The following OSMR variants were observed in gnomAD, a reference collection of about 807,000 sequenced individuals.
The protein encoded by OSMR is oncostatin M receptor.
OSMR carries 81 observed loss-of-function variants against 99.9 expected under a neutral mutation model. The observed-to-expected ratio is 0.81, with a 90% confidence interval of 0.68 to 0.97. The LOEUF (loss-of-function observed/expected upper bound fraction) is 0.97, where lower values mean the gene tolerates loss of function less well. Ranked by LOEUF, OSMR falls within the 50% of genes least tolerant of loss-of-function variation. OSMR has a pLI of 0.00. For missense variants in OSMR, 1,099 were observed against 1,153.4 expected, an observed-to-expected ratio of 0.95 and a Z score of 0.68; for synonymous variants, 406 against 410.4, an observed-to-expected ratio of 0.99 and a Z score of 0.13.
chr5:38,943,807 C>T (rs554457694), intron 1 of OSMR, among the ~76,000 whole-genome samples: 2 of 151,908 alleles, frequency 1.3e-5, no homozygotes, highest in South Asian at 2.1e-4. Flanking sequence ...AGCAAGACTC[C>T]GTCTCAAAAA....
At chr5:38,907,198 T>C (rs116052367) in intron 9 of OSMR, among the ~76,000 whole-genome samples, 1 of 152,298 alleles carries the variant, frequency 6.6e-6, no homozygotes, top group African/African-American at 2.4e-5. Context: ...GGAAGCTGCA[T>C]ACCCTGCACA....
chr5:38,911,475 C>G lies in OSMR; in HGVS notation c.1286-6071C>G, dbSNP rs186102460. ...GACCAGATGCATTCACAGCCAAATT[C>G]TGTCAGAGTTATAAAGAGCTGGTAC... is the stretch of plus-strand genomic sequence containing the variant. On this transcript the variant is annotated intron_variant, in intron 9 of 17. Transcript: ENST00000274276. Among the ~76,000 whole-genome samples, 11 of 152,290 alleles carry G rather than the reference C, an allele frequency of 7.2e-5. No homozygotes were observed. The East Asian group carries it at 2.1e-3, about 29-fold the overall frequency.
intron 13 of OSMR, among the ~76,000 whole-genome samples, chr5:38,923,989 TC>T (rs1332112624): frequency 6.6e-6 from 1 of 152,130 alleles, no homozygotes; most frequent in Non-Finnish European, 1.5e-5. Context: ...GTTCATCAAA[TC>T]CCCCCACTTG....
downstream of OSMR, among the ~76,000 whole-genome samples, chr5:38,935,962 A>AAAC (rs1318483958): frequency 6.6e-6 from 1 of 152,212 alleles, no homozygotes; most frequent in Non-Finnish European, 1.5e-5. Context: ...TCTTGGCTGT[A>AAAC]AACATTTCGT....
intron 2 of OSMR, among the ~76,000 whole-genome samples, chr5:38,874,092 G>T (rs1409724172): frequency 3.3e-5 from 5 of 152,128 alleles, no homozygotes; most frequent in African/African-American, 1.2e-4. Context: ...TTGCTGGTTT[G>T]TAAGAGTTCT....
At chr5:38,945,181 A>G, downstream of OSMR, 1 of 803,310 alleles carries the variant, frequency 1.2e-6, no homozygotes, top group Non-Finnish European at 1.9e-6. Context: ...AATTGTATGC[A>G]ATATACCAAA....
intron 1 of OSMR, chr5:38,942,056 T>C (rs760309924): frequency 2.5e-5 from 9 of 356,336 alleles, no homozygotes; most frequent in Non-Finnish European, 4.0e-5. Context: ...CATACAATGG[T>C]AACTGAAACT....
intron 3 of OSMR, among the ~76,000 whole-genome samples, chr5:38,878,599 G>A (rs960619804): frequency 7.9e-5 from 12 of 152,224 alleles, no homozygotes; most frequent in Non-Finnish European, 2.9e-5. Flanking sequence ...GAGGCCAGGT[G>A]TGGGAGTCAA....
At chr5:38,858,558 G>A (rs879413036) in intron 1 of OSMR, among the ~76,000 whole-genome samples, 17 of 152,072 alleles carry the variant, frequency 1.1e-4, no homozygotes, top group Admixed American at 2.6e-4. Flanking sequence ...TGTGAATAGC[G>A]CTGCAACAAA....
chr5:38,923,161 C>T lies in OSMR; in HGVS notation c.1777C>T (p.Pro593Ser). 6.2e-7 allele frequency: 1 copy of T among 1,612,746 alleles called. No homozygotes were observed. Among genetic ancestry groups the T allele is most frequent in the Non-Finnish European group, 8.5e-7 (1 of 1,178,858 alleles). ...STVISTDAFR[P>S]GVRYDFRIYG... Reference sequence around the variant, plus strand: ...CTTTTTTTCCCTAGATGCTTTTAGGCCAGGAGTTCGATATGACTTCAGAAT... The same window carrying T: ...CTTTTTTTCCCTAGATGCTTTTAGGTCAGGAGTTCGATATGACTTCAGAAT... The change falls in exon 13 of 18, where the codon CCA (proline) becomes TCA (serine). Residue 593 changes from proline to serine, a missense_variant. By Grantham distance (74) the Pro-to-Ser change is moderately conservative. Transcript: ENST00000274276.
intron 7 of OSMR, among the ~76,000 whole-genome samples, chr5:38,895,986 C>T (rs547369823): frequency 6.6e-6 from 1 of 151,948 alleles, no homozygotes; most frequent in East Asian, 1.9e-4. Context: ...ATTTGGGGTA[C>T]TCTAGTCTGT....
chr5:38,852,061 T>C (rs1245089162), intron 1 of OSMR, among the ~76,000 whole-genome samples: 2 of 152,362 alleles, frequency 1.3e-5, no homozygotes, highest in Non-Finnish European at 2.9e-5. Flanking sequence ...ATCAGCAGTG[T>C]GAAAACAAAC....
Position 38,903,979 on chromosome 5 carries a change from A to T in OSMR, c.1089A>T (p.Thr363=), listed in dbSNP as rs763736853. ...WKVHSIRNNF[T]YLCQIELHGE... ...TGCACTCCATAAGGAATAATTTCAC[A>T]TATTTGTGTCAGATTGAACTCCATG... Residue 363 remains threonine, a synonymous_variant, in exon 8 of 18, where the codon ACA becomes ACT. Transcript: ENST00000274276. The T allele has an allele frequency of 9.3e-6, 15 of 1,613,964 alleles. No homozygotes were observed. The highest frequency in any genetic ancestry group is 1.3e-5 in the Non-Finnish European group (15 of 1,179,992).
intron 7 of OSMR, 30 bp downstream of exon 7, chr5:38,886,220 G>A: frequency 6.2e-7 from 1 of 1,613,926 alleles, no homozygotes; most frequent in East Asian, 2.2e-5. Context: ...AGCCCACCGT[G>A]GCCACTAACG....
Position 38,942,876 on chromosome 5 carries a change from C to T in OSMR, c.75-1325C>T, listed in dbSNP as rs2112784749. On this transcript the variant is annotated intron_variant and NMD_transcript_variant, in intron 1 of 2. Coordinates refer to the OSMR transcript ENST00000508882. ...TTGAAATAATTCTTGTATGAACCTCCGACACGGAAGTCTGAATGTGCAGTG... is the reference window on the plus strand; with the variant it reads ...TTGAAATAATTCTTGTATGAACCTCTGACACGGAAGTCTGAATGTGCAGTG... 6.2e-7 allele frequency: 1 copy of T among 1,611,552 alleles called. No individual in the cohort carries two copies. The highest frequency in any genetic ancestry group is 8.5e-7 in the Non-Finnish European group (1 of 1,177,796).
intron 2 of OSMR, chr5:38,944,585 G>A (rs1183389814): frequency 2.5e-6 from 4 of 1,570,214 alleles, no homozygotes; most frequent in African/African-American, 1.4e-5. Context: ...AAGATTTCAG[G>A]GAGAAGTTAA....
chr5:38,931,845 TA>T, intron 15 of OSMR, 37 bp from the exon 16 acceptor site: 1 of 1,588,996 alleles, frequency 6.3e-7, no homozygotes, highest in South Asian at 1.1e-5. Flanking sequence ...AAGGGAAAAG[TA>T]CTTATTAAAA....
At position 38,876,322 on chromosome 5, in the gene OSMR, G is replaced by C; in HGVS notation, c.195G>C (p.Met65Ile). The C allele has an allele frequency of 6.2e-7, 1 of 1,613,110 alleles. No individual in the cohort carries two copies. The highest frequency in any genetic ancestry group is 8.5e-7 in the Non-Finnish European group (1 of 1,179,324). Residue 65 changes from methionine (M) to isoleucine (I), a missense_variant, in exon 3 of 18, where the codon ATG becomes ATC. Physicochemically the swap from Met to Ile is conservative, Grantham distance 10. Transcript: ENST00000274276. Reference sequence around the variant, plus strand: ...TTCCTTATCATCAGGAATTGAAAATGGTATTTCAGATCCAGATCAGTAGGA... The same window carrying C: ...TTCCTTATCATCAGGAATTGAAAATCGTATTTCAGATCCAGATCAGTAGGA... ...HNLPYHQELK[M>I]VFQIQISRIE... is the part of the protein sequence containing the mutation.
At chr5:38,865,382 C>T (rs541970114) in intron 1 of OSMR, among the ~76,000 whole-genome samples, 25 of 152,222 alleles carry the variant, frequency 1.6e-4, no homozygotes, top group African/African-American at 6.0e-4. Flanking sequence ...TATGGATTTG[C>T]TTTCATAGGG....
Sources: gnomAD v4.1 joint callset for allele counts (sites outside exome capture counted in the v4.1 genomes callset) on GRCh38, gnomAD v4.1.1 for gene constraint, MANE v1.5 for transcripts, NCBI Gene and HGNC (gene_info 2026-07-23, HGNC 2026-07-21) for gene names.